BCLAF3: variants seen among roughly 807,000 people sequenced by gnomAD.
BCLAF3 encodes BCLAF1 and THRAP3 family member 3.
A neutral mutation model predicts 51.2 loss-of-function variants in BCLAF3; 24 were observed. That is an observed-to-expected ratio of 0.47 (90% CI 0.34 to 0.66). The LOEUF (loss-of-function observed/expected upper bound fraction) is 0.66, where lower values mean the gene tolerates loss of function less well. BCLAF3 is among the 30% of genes least tolerant of loss of function. BCLAF3 has a pLI of 0.01. For missense variants in BCLAF3, 465 were observed against 525.1 expected (o/e 0.89, Z 1.12); for synonymous variants, 152 against 176.6 (o/e 0.86, Z 1.10).
At chrX:19,934,227 T>C (rs1016472321) in intron 10 of BCLAF3, among the ~76,000 whole-genome samples, 3 of 112,440 alleles carry the variant, frequency 2.7e-5, no homozygotes, top group African/African-American at 9.7e-5. Flanking sequence ...CATTTTTCTA[T>C]GAATTTATGT....
At chrX:19,946,211 G>C (rs1422630205) in intron 8 of BCLAF3, among the ~76,000 whole-genome samples, 1 of 111,992 alleles carries the variant, frequency 8.9e-6, no homozygotes, top group Non-Finnish European at 1.9e-5. Flanking sequence ...ACCTCAGATG[G>C]AAATGCAGAA....
intron 8 of BCLAF3, among the ~76,000 whole-genome samples, chrX:19,950,502 C>T (rs1470703963): frequency 8.9e-6 from 1 of 112,268 alleles, no homozygotes; most frequent in Non-Finnish European, 1.9e-5. Flanking sequence ...AAAGTGGTAA[C>T]ACTCCTCATC....
chrX:19,913,481 T>C lies in BCLAF3; in HGVS notation c.*3824A>G, dbSNP rs918245420. The stretch of plus-strand genomic sequence containing the variant: ...AGATAAATGTTTCTTCATTGGTTCC[T>C]AAAAGGGATAAATAAGCCAGTTATT... On this transcript the variant is annotated 3_prime_UTR_variant, in exon 12 of 12. Coordinates refer to ENST00000379682, the MANE Select transcript of BCLAF3 (RefSeq NM_001367774.2). 1.8e-5 allele frequency: 2 copies of C among 112,742 alleles called. No homozygotes were observed. The highest frequency in any genetic ancestry group is 3.8e-5 in the Non-Finnish European group (2 of 53,327). 9.3% of individuals were successfully genotyped at this position (112,742 alleles called of 1,213,427 possible). A position where few individuals can be genotyped will look rare whatever the true frequency, so the allele number is the denominator to read the frequency against.
At chrX:19,953,976 T>C (rs2071578840) in intron 5 of BCLAF3, 84 bp from the exon 6 acceptor site, 1 of 1,080,402 alleles carries the variant, frequency 9.3e-7, no homozygotes, top group African/African-American at 1.9e-5. Flanking sequence ...AAGAAGGGAT[T>C]ATTTTTTAAA....
At chrX:19,978,373 A>T (rs778000194) in intron 1 of BCLAF3, among the ~76,000 whole-genome samples, 48 of 111,639 alleles carry the variant, frequency 4.3e-4, no homozygotes, top group Non-Finnish European at 7.0e-4. Flanking sequence ...GAAGAAGTTG[A>T]TTCCAACTCT....
chrX:19,933,356 G>A (rs1355991953), intron 10 of BCLAF3, among the ~76,000 whole-genome samples: 1 of 112,019 alleles, frequency 8.9e-6, no homozygotes, highest in African/African-American at 3.2e-5. Flanking sequence ...GTGTTTGGTT[G>A]ACTTAAGTTC....
At chrX:19,985,318 C>T (rs1401994774) in intron 1 of BCLAF3, among the ~76,000 whole-genome samples, 1 of 112,174 alleles carries the variant, frequency 8.9e-6, no homozygotes, top group African/African-American at 3.2e-5. Flanking sequence ...TGCACTCACA[C>T]CTGTAATCCC....
Position 19,965,667 on chromosome X carries a change from T to A in BCLAF3, c.651A>T (p.Thr217=). The change falls in exon 4 of 12, where the codon ACA becomes ACT. Residue 217 remains threonine, a synonymous_variant. Transcript: ENST00000379682. ...EDRDFRKYGH[T]SKRPKDVERY... ...TCTCCACGTCTTTAGGTCTTTTTGA[T>A]GTGTGTCCATATTTTCTGAAATCAC... 1 of 1,140,461 alleles carries A rather than the reference T, an allele frequency of 8.8e-7. No homozygotes were observed. The highest frequency in any genetic ancestry group is 2.2e-5 in the South Asian group (1 of 44,957). 94.0% of individuals were successfully genotyped at this position (1,140,461 alleles called of 1,213,427 possible). A position where few individuals can be genotyped will look rare whatever the true frequency, so the allele number is the denominator to read the frequency against.
Position 19,979,124 on chromosome X carries a change from G to A in BCLAF3, c.-34-8826C>T, listed in dbSNP as rs768289773. On this transcript the variant is annotated intron_variant, in intron 1 of 11. Coordinates refer to ENST00000379682, the MANE Select transcript of BCLAF3 (RefSeq NM_001367774.2). ...AAAATACAAAAATTAGCCAGGTGTG[G>A]TGGCATACACCTATAATCCCAGCTA... Among the ~76,000 whole-genome samples, 12 of 110,769 alleles carry A rather than the reference G, an allele frequency of 1.1e-4. No homozygotes were observed. In the South Asian group the frequency reaches 4.6e-3, roughly 42 times the overall value.
rs540552615 is a variant in BCLAF3, at chrX:19,983,649, A to C, written c.-35+7259T>G. ...AGAATCACTTGAACCCGGGAGGCGG[A>C]GCTTACAGTAAGCCAAGATCACACC... On this transcript the variant is annotated intron_variant, in intron 1 of 11. Transcript: ENST00000379682. 7.5e-4 allele frequency among the ~76,000 whole-genome samples: 82 copies of C among 110,020 alleles called. 1 individual carries two copies. In the South Asian group the frequency reaches 0.031, roughly 41 times the overall value.
At chrX:19,977,744 T>C (rs980650664) in intron 1 of BCLAF3, among the ~76,000 whole-genome samples, 2 of 112,103 alleles carry the variant, frequency 1.8e-5, no homozygotes, top group Non-Finnish European at 3.8e-5. Context: ...AGCCTTCTCT[T>C]GGAAGATGGG....
At chrX:19,983,839 C>T (rs1159667562) in intron 1 of BCLAF3, among the ~76,000 whole-genome samples, 2 of 110,611 alleles carry the variant, frequency 1.8e-5, no homozygotes, top group African/African-American at 6.6e-5. Context: ...GAGGCTAAGG[C>T]GGGTGGATCA....
intron 4 of BCLAF3, among the ~76,000 whole-genome samples, chrX:19,958,672 A>C (rs2071747964): frequency 8.9e-6 from 1 of 112,474 alleles, no homozygotes; most frequent in Non-Finnish European, 1.9e-5. Context: ...TAGAAGCAAT[A>C]GGCTCTACCA....
intron 8 of BCLAF3, among the ~76,000 whole-genome samples, chrX:19,948,557 A>G (rs2071382090): frequency 9.1e-6 from 1 of 109,861 alleles, no homozygotes; most frequent in African/African-American, 3.3e-5. Context: ...CTTGAGCACA[A>G]GAGTTTGAGA....
At chrX:19,990,798 T>C (rs1349581192) in intron 1 of BCLAF3, among the ~76,000 whole-genome samples, 110 bp downstream of exon 1, 1 of 110,771 alleles carries the variant, frequency 9.0e-6, no homozygotes, top group Non-Finnish European at 1.9e-5. Flanking sequence ...GACCGCCGCA[T>C]CCTCCCCGCT....
chrX:19,950,264 G>C (rs1054617132), intron 8 of BCLAF3, among the ~76,000 whole-genome samples: 10 of 111,671 alleles, frequency 9.0e-5, no homozygotes, highest in African/African-American at 3.2e-4. Flanking sequence ...TTTCATGGAC[G>C]ACATCCAAAA....
chrX:19,970,409 C>T, intron 1 of BCLAF3, 111 bp from the exon 2 acceptor site: 1 of 571,599 alleles, frequency 1.7e-6, no homozygotes, highest in Admixed American at 2.8e-5. Context: ...GCTTCCTCAT[C>T]TCTAACATGG....
At chrX:19,935,308 T>C (rs1471058311) in intron 10 of BCLAF3, 3 of 114,142 alleles carry the variant, frequency 2.6e-5, no homozygotes, top group South Asian at 3.5e-4. Context: ...ATATCAGATA[T>C]AGATGTACCA....
chrX:19,968,802 C>T (rs2072151436), intron 2 of BCLAF3, among the ~76,000 whole-genome samples: 1 of 112,778 alleles, frequency 8.9e-6, no homozygotes, highest in East Asian at 2.8e-4. Flanking sequence ...TCATCAGCGC[C>T]TTTTGTCTTA....
Sources: allele counts gnomAD v4.1 joint callset (sites outside exome capture counted in the v4.1 genomes callset), GRCh38; gene constraint gnomAD v4.1.1; transcripts MANE v1.5; gene names NCBI Gene and HGNC (gene_info 2026-07-23, HGNC 2026-07-21).